The following NUP58 variants were observed in gnomAD, a reference collection of about 807,000 sequenced individuals.
NUP58 encodes the protein nucleoporin p58/p45.
Under a neutral mutation model 70.1 loss-of-function variants are expected in NUP58, and 17 were observed. The observed-to-expected ratio is 0.24, with a 90% CI of 0.17 to 0.36. The LOEUF (loss-of-function observed/expected upper bound fraction) is 0.36, where lower values mean the gene tolerates loss of function less well. NUP58 is among the 10% of genes least tolerant of loss of function. NUP58 has a pLI of 1.00. For missense variants in NUP58, 644 were observed against 701.5 expected (o/e 0.92, Z 0.93); for synonymous variants, 275 against 257.6 (o/e 1.07, Z -0.65).
chr13:25,348,951 G>C (rs1220474966), intron 3 of NUP58, among the ~76,000 whole-genome samples: 3 of 152,098 alleles, frequency 2.0e-5, no homozygotes, highest in Non-Finnish European at 4.4e-5. Flanking sequence ...CCCACACCAA[G>C]ACCATTCCCG....
At chr13:25,310,335 C>T (rs1198202006) in intron 3 of NUP58, among the ~76,000 whole-genome samples, 1 of 150,654 alleles carries the variant, frequency 6.6e-6, no homozygotes, top group Non-Finnish European at 1.5e-5. Context: ...ATTCTCTTGC[C>T]TCAGCTTCCT....
chr13:25,306,393 CAAAAA>C (rs1030000370), intron 1 of NUP58, among the ~76,000 whole-genome samples: 2 of 55,520 alleles, frequency 3.6e-5, no homozygotes, highest in African/African-American at 1.2e-4. Context: ...GACTCCGTCT[CAAAAA>C]AAAAAAAAAA....
At chr13:25,317,365 G>A (rs1160601848) in intron 6 of NUP58, among the ~76,000 whole-genome samples, 3 of 152,088 alleles carry the variant, frequency 2.0e-5, no homozygotes, top group Non-Finnish European at 1.5e-5. Flanking sequence ...AAGATTAAGA[G>A]CATTCTGACA....
At chr13:25,342,792 C>A (rs1372093378), downstream of NUP58, among the ~76,000 whole-genome samples, 1 of 151,800 alleles carries the variant, frequency 6.6e-6, no homozygotes, top group Non-Finnish European at 1.5e-5. Flanking sequence ...CTTTTATATT[C>A]TCTCTGATTT....
intron 3 of NUP58, among the ~76,000 whole-genome samples, chr13:25,312,378 A>AT (rs997387663): frequency 1.3e-5 from 2 of 151,910 alleles, no homozygotes; most frequent in African/African-American, 4.8e-5. Flanking sequence ...CTGTTTTTTT[A>AT]TTTTTTGAGA....
At chr13:25,336,904 TCCC>T (rs761304039) in intron 13 of NUP58, 29 bp from the exon 14 acceptor site, 14 of 1,402,646 alleles carry the variant, frequency 1.0e-5, no homozygotes, top group East Asian at 9.3e-5. Flanking sequence ...TTGTTTTTTT[TCCC>T]CCCCATTTTT....
chr13:25,305,130 G>GTTTTTTTTTTTTTTTTTTTTTTTTTTT (rs562132125), intron 1 of NUP58, among the ~76,000 whole-genome samples: 1 of 58,562 alleles, frequency 1.7e-5, no homozygotes, highest in African/African-American at 5.1e-5. Flanking sequence ...GATCTGTGGG[G>GTTTTTTTTTTTTTTTTTTTTTTTTTTT]TTTTTTTTTT....
chr13:25,343,519 C>G (rs1025037609), downstream of NUP58, among the ~76,000 whole-genome samples: 9 of 149,258 alleles, frequency 6.0e-5, no homozygotes, highest in African/African-American at 2.2e-4. Context: ...CTGATGCCAT[C>G]TCGGCTCACT....
intron 5 of NUP58, 98 bp downstream of exon 5, chr13:25,313,849 A>C: frequency 1.1e-6 from 1 of 939,006 alleles, no homozygotes; most frequent in Non-Finnish European, 1.5e-6. Flanking sequence ...TTTAATCTGC[A>C]TATTTTCCTT....
intron 6 of NUP58, among the ~76,000 whole-genome samples, chr13:25,316,538 A>G (rs1378046608): frequency 1.3e-5 from 2 of 152,178 alleles, no homozygotes; most frequent in Non-Finnish European, 2.9e-5. Context: ...AACCTTTTTA[A>G]ACTTTTACAA....
chr13:25,311,477 A>G (rs1412009516), intron 3 of NUP58, among the ~76,000 whole-genome samples: 18 of 151,912 alleles, frequency 1.2e-4, no homozygotes, highest in Admixed American at 9.9e-4. Context: ...CCAGGTTCAA[A>G]CAATTCTCCT....
intron 9 of NUP58, among the ~76,000 whole-genome samples, 160 bp downstream of exon 9, chr13:25,321,253 A>G (rs563537544): frequency 1.6e-4 from 25 of 152,298 alleles, no homozygotes; most frequent in African/African-American, 5.5e-4. Context: ...ATGAGTTTTT[A>G]TTAAGCGTTT....
chr13:25,341,978 T>C lies in NUP58; in HGVS notation c.*1844T>C, dbSNP rs2031971675. On this transcript the variant is annotated 3_prime_UTR_variant, in exon 16 of 16. Coordinates refer to ENST00000381736, the MANE Select transcript of NUP58 (RefSeq NM_014089.4). Reference sequence around the variant, plus strand: ...TGATTATAAAAGTGTTGTCAAATGTTTTATTTATCTGCATATAGCAGTGGT... The same window carrying C: ...TGATTATAAAAGTGTTGTCAAATGTCTTATTTATCTGCATATAGCAGTGGT... 6.6e-6 allele frequency: 1 copy of C among 152,182 alleles called. No homozygotes were observed. Among genetic ancestry groups the C allele is most frequent in the Non-Finnish European group, 1.5e-5 (1 of 68,004 alleles). 9.4% of individuals were successfully genotyped at this position (152,182 alleles called of 1,614,324 possible).
At chr13:25,317,549 T>A (rs1226328521) in intron 6 of NUP58, 1 of 152,072 alleles carries the variant, frequency 6.6e-6, no homozygotes, top group Non-Finnish European at 1.5e-5. Context: ...TATACATGTT[T>A]GTGTGTATGT....
At chr13:25,346,489 G>A (rs1397272953), downstream of NUP58, among the ~76,000 whole-genome samples, 1 of 152,166 alleles carries the variant, frequency 6.6e-6, no homozygotes, top group East Asian at 1.9e-4. Context: ...GGAGGCTGAG[G>A]TGGGCAGATC....
chr13:25,341,693 C>T lies in NUP58; in HGVS notation c.*1559C>T, dbSNP rs1481675545. The T allele has an allele frequency of 6.6e-6, 1 of 152,576 alleles. No homozygotes were observed. Among genetic ancestry groups the T allele is most frequent in the Non-Finnish European group, 1.5e-5 (1 of 68,014 alleles). The allele number at this position is 152,576 out of a possible 1,614,324, so 9.5% of individuals were successfully genotyped here. A position where few individuals can be genotyped will look rare whatever the true frequency, so the allele number is the denominator to read the frequency against. On this transcript the variant is annotated 3_prime_UTR_variant, in exon 16 of 16. Transcript: ENST00000381736. ...CATCAGGTGGATATAAAAGAAAACC[C>T]TTGGAAAGAGAACTGCCTTAGCCAT...
chr13:25,333,262 T>C (rs916403687), intron 13 of NUP58: 1 of 985,296 alleles, frequency 1.0e-6, no homozygotes, highest in Admixed American at 6.1e-5. Flanking sequence ...TACTATGTGC[T>C]GGGCTCGAGG....
At chr13:25,346,552 T>G (rs1217602093), downstream of NUP58, among the ~76,000 whole-genome samples, 2 of 151,996 alleles carry the variant, frequency 1.3e-5, no homozygotes, top group Admixed American at 1.3e-4. Context: ...AAACCCTGTC[T>G]CTACTAAAAA....
intron 6 of NUP58, among the ~76,000 whole-genome samples, chr13:25,316,091 G>A (rs773934924): frequency 6.6e-6 from 1 of 152,106 alleles, no homozygotes; most frequent in Admixed American, 6.5e-5. Flanking sequence ...CCTGGAAATT[G>A]GATCATTGGC....
Sources: allele counts gnomAD v4.1 joint callset (sites outside exome capture counted in the v4.1 genomes callset), GRCh38; gene constraint gnomAD v4.1.1; transcripts MANE v1.5; gene names NCBI Gene and HGNC (gene_info 2026-07-23, HGNC 2026-07-21).